The following NFAT5 variants were observed in gnomAD, a reference collection of about 807,000 sequenced individuals.
NFAT5 encodes nuclear factor of activated T-cells 5.
NFAT5 carries 31 observed loss-of-function variants against 166.5 expected under a neutral mutation model. The observed-to-expected ratio is 0.19, with a 90% CI of 0.14 to 0.25. NFAT5 has a LOEUF of 0.25. Ranked by LOEUF, NFAT5 falls within the 10% of genes least tolerant of loss-of-function variation. The pLI, the probability that NFAT5 is intolerant of heterozygous loss-of-function variation, is 1.00. For synonymous variants in NFAT5, 612 were observed against 639.7 expected, an observed-to-expected ratio of 0.96 and a Z score of 0.65; for missense variants, 1,449 against 1,821.8, an observed-to-expected ratio of 0.80 and a Z score of 3.72.
At chr16:69,662,506 A>G (rs8054678) in intron 7 of NFAT5, among the ~76,000 whole-genome samples, 6,269 of 131,836 alleles carry the variant, frequency 0.048, 476 homozygotes, top group African/African-American at 0.17. Context: ...GCCCAGGCTG[A>G]AGTGCAGTGG....
chr16:69,640,969 G>A (rs1436727608), intron 3 of NFAT5, among the ~76,000 whole-genome samples: 27 of 144,884 alleles, frequency 1.9e-4, no homozygotes, highest in South Asian at 2.2e-4. Flanking sequence ...CAACAGGAGC[G>A]AAACTCCATC....
At chr16:69,655,173 TTTC>T (rs1201550012) in intron 5 of NFAT5, among the ~76,000 whole-genome samples, 1 of 152,126 alleles carries the variant, frequency 6.6e-6, no homozygotes, top group Admixed American at 6.6e-5. Flanking sequence ...CACTCATACT[TTTC>T]TATTCAAGTA....
At chr16:69,673,424 G>T (rs568809957) in intron 9 of NFAT5, among the ~76,000 whole-genome samples, 1 of 152,006 alleles carries the variant, frequency 6.6e-6, no homozygotes, top group Non-Finnish European at 1.5e-5. Flanking sequence ...ACCTTTAGGG[G>T]GAAGAAAATG....
rs144594983 is a variant in NFAT5 at position 69,589,925 on chromosome 16, G to C, written c.127+21377G>C. On this transcript the variant is annotated intron_variant, in intron 2 of 14. Transcript: ENST00000349945. The stretch of plus-strand genomic sequence containing the variant: ...TGATCCCAGCACTTTGGGAGGCCAG[G>C]GTGGGAGGATTGCTTGAGTCCAGGA... 4.3e-3 allele frequency among the ~76,000 whole-genome samples: 656 copies of C among 152,114 alleles called. 6 individuals are homozygous for C. The highest frequency in any genetic ancestry group is 0.015 in the African/African-American group (604 of 41,500).
chr16:69,583,193 T>G (rs758764991), intron 2 of NFAT5, among the ~76,000 whole-genome samples: 2 of 151,952 alleles, frequency 1.3e-5, no homozygotes, highest in Admixed American at 1.3e-4. Flanking sequence ...TTTAAATTTA[T>G]TTATTAAATT....
Position 69,566,239 on chromosome 16 carries a change from G to T in NFAT5, c.-63G>T. 1 of 1,497,522 alleles carries T rather than the reference G, an allele frequency of 6.7e-7. No individual in the cohort carries two copies. Among genetic ancestry groups the T allele is most frequent in the Non-Finnish European group, 9.1e-7 (1 of 1,099,426 alleles). 92.8% of individuals were successfully genotyped at this position (1,497,522 alleles called of 1,614,324 possible). A position where few individuals can be genotyped will look rare whatever the true frequency, so the allele number is the denominator to read the frequency against. On this transcript the variant is annotated 5_prime_UTR_variant, in exon 1 of 15. Transcript: ENST00000349945. The surrounding 1 kb of genome is among the most constrained non-coding windows in gnomAD (Gnocchi z 5.7). ...CGGTGCCCGCGGTCCCGGAGAGGAG[G>T]TGCCGCCGCCACCGCCGCTCCCCCC...
At chr16:69,649,370 A>G in intron 4 of NFAT5, 1 of 976,066 alleles carries the variant, frequency 1.0e-6, no homozygotes, top group Non-Finnish European at 1.2e-6. Context: ...TATGGCTAGT[A>G]AACAGTGATT....
intron 2 of NFAT5, among the ~76,000 whole-genome samples, chr16:69,582,404 T>C (rs2031759436): frequency 6.6e-6 from 1 of 152,130 alleles, no homozygotes; most frequent in African/African-American, 2.4e-5. Context: ...TTGCTCATGC[T>C]TTGGTGTCAT....
chr16:69,696,615 T>C lies in NFAT5; in HGVS notation c.*264T>C, dbSNP rs1035098399. ...TTGAGTTTCCAGCTGGCAGAATTAA[T>C]TGTTATTATTTTCCTAGGCGCAATT... On this transcript the variant is annotated 3_prime_UTR_variant, in exon 15 of 15. Transcript: ENST00000349945. 2.0e-5 allele frequency: 3 copies of C among 152,662 alleles called. No individual in the cohort carries two copies. Among genetic ancestry groups the C allele is most frequent in the Admixed American group, 6.5e-5 (1 of 15,278 alleles). The allele number at this position is 152,662 out of a possible 1,614,324, so 9.5% of individuals were successfully genotyped here.
intron 10 of NFAT5, among the ~76,000 whole-genome samples, chr16:69,678,278 G>A (rs979843804): frequency 2.0e-5 from 3 of 151,334 alleles, no homozygotes; most frequent in Non-Finnish European, 2.9e-5. Context: ...GCAATGGCGC[G>A]ATCTTGGCTC....
At chr16:69,574,141 G>A (rs758458141) in intron 2 of NFAT5, among the ~76,000 whole-genome samples, 5 of 152,014 alleles carry the variant, frequency 3.3e-5, no homozygotes, top group Non-Finnish European at 5.9e-5. Flanking sequence ...AAAGTGCTGG[G>A]ATTACAGGCG....
rs539473558 is a variant in NFAT5, at chr16:69,571,711, G to T, written c.127+3163G>T. Among the ~76,000 whole-genome samples the T allele has an allele frequency of 7.5e-3, 1,073 of 142,538 alleles. 7 individuals are homozygous for T. Among genetic ancestry groups the T allele is most frequent in the Non-Finnish European group, 0.012 (785 of 65,190 alleles). The allele number at this position is 142,538 out of a possible 152,430, so 93.5% of individuals were successfully genotyped here. A position where few individuals can be genotyped will look rare whatever the true frequency, so the allele number is the denominator to read the frequency against. On this transcript the variant is annotated intron_variant, in intron 2 of 14. Transcript: ENST00000349945. ...TTCCAAATTTAAATTTTTTTTTTGG[G>T]GGGAAACAAGGTTGGAAAACCTGCA...
At chr16:69,573,853 A>G (rs1182864452) in intron 2 of NFAT5, among the ~76,000 whole-genome samples, 4 of 150,358 alleles carry the variant, frequency 2.7e-5, no homozygotes, top group East Asian at 2.0e-4. Context: ...TTAGTATTAT[A>G]TATAAAAAAC....
Position 69,693,988 on chromosome 16 carries a change from A to G in NFAT5, c.4163A>G (p.Gln1388Arg). 1.9e-6 allele frequency: 3 copies of G among 1,614,212 alleles called. No individual in the cohort carries two copies. The highest frequency in any genetic ancestry group is 2.5e-6 in the Non-Finnish European group (3 of 1,180,010). The change falls in exon 13 of 15, where the codon CAG (glutamine) becomes CGG (arginine). Residue 1388 changes from glutamine (Q) to arginine (R), a missense_variant. By Grantham distance (43) the Gln-to-Arg change is conservative. Coordinates refer to ENST00000349945, the MANE Select transcript of NFAT5 (RefSeq NM_138713.4). ...CAAGGGTCACCTAGTTCTCAAGAGCAGCAAGTAACTCTCTTCTTATCTCCA... is the reference window on the plus strand; with the variant it reads ...CAAGGGTCACCTAGTTCTCAAGAGCGGCAAGTAACTCTCTTCTTATCTCCA... ...LVQGSPSSQEQQVTLFLSPAS... is the reference protein window; with the variant it reads ...LVQGSPSSQERQVTLFLSPAS...
At chr16:69,656,505 G>A (rs1430102617) in intron 6 of NFAT5, among the ~76,000 whole-genome samples, 1 of 150,180 alleles carries the variant, frequency 6.7e-6, no homozygotes, top group African/African-American at 2.5e-5. Flanking sequence ...AGGCTGGAGT[G>A]CAGTGGTGCT....
chr16:69,644,860 A>T (rs1271114049), intron 3 of NFAT5: 4 of 454,072 alleles, frequency 8.8e-6, no homozygotes, highest in African/African-American at 2.0e-5. Flanking sequence ...AAAAAGGGTG[A>T]GTGGGAGAAA....
chr16:69,627,385 T>G (rs2034520499), intron 3 of NFAT5, among the ~76,000 whole-genome samples: 1 of 133,570 alleles, frequency 7.5e-6, no homozygotes, highest in African/African-American at 2.8e-5. Flanking sequence ...TATATATATT[T>G]TGAAGTTTTA....
Position 69,692,714 on chromosome 16 carries a change from T to C in NFAT5, c.2889T>C (p.Asn963=). Residue 963 remains asparagine (N), a synonymous_variant, in exon 13 of 15, where the codon AAT becomes AAC. Coordinates refer to ENST00000349945, the MANE Select transcript of NFAT5 (RefSeq NM_138713.4). ...TSHMMSALST[N]EDMQMQCELF... ...ACATGATGAGTGCATTGTCTACCAA[T>C]GAGGATATGCAAATGCAGTGTGAAT... is the stretch of plus-strand genomic sequence containing the variant. The C allele has an allele frequency of 6.2e-7, 1 of 1,614,250 alleles. No homozygotes were observed. Among genetic ancestry groups the C allele is most frequent in the Non-Finnish European group, 8.5e-7 (1 of 1,180,044 alleles).
intron 1 of NFAT5, among the ~76,000 whole-genome samples, chr16:69,567,045 T>C (rs998113132): frequency 6.6e-6 from 1 of 152,032 alleles, no homozygotes; most frequent in Non-Finnish European, 1.5e-5. Flanking sequence ...TCTTCCCACC[T>C]CCGTGGCATT....
Sources: allele counts gnomAD v4.1 joint callset (sites outside exome capture counted in the v4.1 genomes callset), GRCh38; gene constraint gnomAD v4.1.1; non-coding constraint Gnocchi (gnomAD v3.1); transcripts MANE v1.5; gene names NCBI Gene and HGNC (gene_info 2026-07-23, HGNC 2026-07-21).